Variants in ANKMY2 observed in about 807,000 individuals in gnomAD.
ANKMY2 encodes the protein ankyrin repeat and MYND domain containing 2.
In ANKMY2, 36 loss-of-function variants were observed where a neutral mutation model predicts 50.4. That is an observed-to-expected ratio of 0.71 (90% CI 0.55 to 0.94). The LOEUF (loss-of-function observed/expected upper bound fraction) is 0.94, where lower values mean the gene tolerates loss of function less well. ANKMY2 is among the 40% of genes least tolerant of loss of function. The probability of loss-of-function intolerance (pLI) is 0.00; values close to 1 mark genes in which losing one functional copy is unlikely to be tolerated. For missense variants in ANKMY2, 565 were observed against 524.0 expected (o/e 1.08, Z -0.76); for synonymous variants, 187 against 178.8 (o/e 1.05, Z -0.36).
chr7:16,609,692 A>G lies in ANKMY2; in HGVS notation c.820T>C (p.Phe274Leu). 1 of 1,612,978 alleles carries G rather than the reference A, an allele frequency of 6.2e-7. No homozygotes were observed. The highest frequency in any genetic ancestry group is 8.5e-7 in the Non-Finnish European group (1 of 1,179,716). The change falls in exon 7 of 10, where the codon TTT becomes CTT. Residue 274 changes from phenylalanine to leucine, a missense_variant. Physicochemically the swap from Phe to Leu is conservative, Grantham distance 22. Transcript: ENST00000306999. ...EKIIRESIRK[F>L]PYCEATLLQQ... Reference sequence around the variant, plus strand: ...AGGAGTGTAGCTTCACAGTAAGGAAATTTTCTGATACTTTCTCTAATGATC... The same window carrying G: ...AGGAGTGTAGCTTCACAGTAAGGAAGTTTTCTGATACTTTCTCTAATGATC...
chr7:16,627,445 C>T (rs1368278428), intron 2 of ANKMY2, among the ~76,000 whole-genome samples: 2 of 152,080 alleles, frequency 1.3e-5, no homozygotes, highest in South Asian at 2.1e-4. Flanking sequence ...ATGGTGGGGG[C>T]AGGGATTGAA....
In ANKMY2 at chr7:16,604,856, T is replaced by C; in HGVS notation, c.883-7A>G. The C allele has an allele frequency of 1.2e-6, 2 of 1,603,762 alleles. No individual in the cohort carries two copies. Among genetic ancestry groups the C allele is most frequent in the Non-Finnish European group, 1.7e-6 (2 of 1,175,482 alleles). On this transcript the variant is annotated splice_polypyrimidine_tract_variant and splice_region_variant and intron_variant, in intron 7 of 9. Transcript: ENST00000306999. ...ATGCAGTGGGATCAGAACCCTAGAGTGGGCATGAAGAGGAGAAAAAACAAA... is the reference window on the plus strand; with the variant it reads ...ATGCAGTGGGATCAGAACCCTAGAGCGGGCATGAAGAGGAGAAAAAACAAA...
chr7:16,603,517 G>A, intron 8 of ANKMY2: 3 of 399,308 alleles, frequency 7.5e-6, no homozygotes, highest in Non-Finnish European at 1.6e-5. Context: ...GGGGTGGAAA[G>A]GAGATGGGAA....
At chr7:16,619,038 C>T (rs1781397473) in intron 4 of ANKMY2, among the ~76,000 whole-genome samples, 1 of 152,118 alleles carries the variant, frequency 6.6e-6, no homozygotes, top group African/African-American at 2.4e-5. Context: ...ATCTTCTCAT[C>T]AGTCCTCCAA....
At chr7:16,620,591 TACACAC>T (rs58418780) in intron 4 of ANKMY2, among the ~76,000 whole-genome samples, 22 of 145,598 alleles carry the variant, frequency 1.5e-4, no homozygotes, top group South Asian at 6.7e-4. Context: ...AATACATGTG[TACACAC>T]ACACACACAC....
intron 2 of ANKMY2, among the ~76,000 whole-genome samples, chr7:16,631,369 T>C (rs1781578596): frequency 6.6e-6 from 1 of 152,202 alleles, no homozygotes; most frequent in Admixed American, 6.5e-5. Context: ...GGTCCATAGT[T>C]TTGTGAAACT....
At chr7:16,616,097 T>C (rs1006246368) in intron 4 of ANKMY2, among the ~76,000 whole-genome samples, 193 bp from the exon 5 acceptor site, 3 of 152,172 alleles carry the variant, frequency 2.0e-5, no homozygotes, top group African/African-American at 7.2e-5. Context: ...CCTTGTAAAG[T>C]TGATAAACAA....
In ANKMY2 at chr7:16,627,020, T is replaced by A. The variant is rs779583698; in HGVS notation, c.271+20A>T. ...CAAGTTTGTATAGGTAACTTATATT[T>A]ATAAATACTAAAACTTCACCAGAAA... On this transcript the variant is annotated intron_variant, in intron 3 of 9. Coordinates refer to ENST00000306999, the MANE Select transcript of ANKMY2 (RefSeq NM_020319.3). 1.3e-6 allele frequency: 2 copies of A among 1,575,726 alleles called. No individual in the cohort carries two copies. Among genetic ancestry groups the A allele is most frequent in the Non-Finnish European group, 1.7e-6 (2 of 1,162,782 alleles).
At chr7:16,608,659 G>A (rs1243203776) in intron 7 of ANKMY2, among the ~76,000 whole-genome samples, 4 of 152,134 alleles carry the variant, frequency 2.6e-5, no homozygotes, top group East Asian at 1.9e-4. Flanking sequence ...TGATTGAAAC[G>A]TATAAAAGCA....
chr7:16,626,427 T>C (rs1191144811), intron 3 of ANKMY2, among the ~76,000 whole-genome samples: 1 of 152,206 alleles, frequency 6.6e-6, no homozygotes, highest in Non-Finnish European at 1.5e-5. Flanking sequence ...TTGGATTCTG[T>C]GGTTTATATA....
chr7:16,613,330 G>A (rs1456801395), intron 5 of ANKMY2, among the ~76,000 whole-genome samples: 2 of 152,090 alleles, frequency 1.3e-5, no homozygotes. Context: ...ATTACACAGT[G>A]GTTATTAGTT....
rs1401579683 is a variant in ANKMY2, at chr7:16,645,502, C to G, written c.67+5G>C. Reference sequence around the variant, plus strand: ...CGCGGCCGCGTCGCAGCCCAGCACCCGTACCTTTCCCGATGACTTCCAGTA... The same window carrying G: ...CGCGGCCGCGTCGCAGCCCAGCACCGGTACCTTTCCCGATGACTTCCAGTA... On this transcript the variant is annotated splice_donor_5th_base_variant and intron_variant, in intron 1 of 9. Transcript: ENST00000306999. The G allele has an allele frequency of 3.1e-6, 5 of 1,610,346 alleles. No individual in the cohort carries two copies. In the Admixed American group the frequency reaches 5.0e-5, roughly 16 times the overall value.
chr7:16,622,066 GGAA>G (rs1326224957), intron 4 of ANKMY2, among the ~76,000 whole-genome samples: 1 of 150,722 alleles, frequency 6.6e-6, no homozygotes, highest in Non-Finnish European at 1.5e-5. Flanking sequence ...AAGAAGAAGA[GGAA>G]GAGGAGGAGG....
At chr7:16,630,317 T>C (rs1405427223) in intron 2 of ANKMY2, among the ~76,000 whole-genome samples, 1 of 152,168 alleles carries the variant, frequency 6.6e-6, no homozygotes, top group Non-Finnish European at 1.5e-5. Flanking sequence ...TTAAAAAATA[T>C]CTAGATGAAT....
At chr7:16,642,598 T>A (rs529172618) in intron 1 of ANKMY2, among the ~76,000 whole-genome samples, 36 of 151,440 alleles carry the variant, frequency 2.4e-4, no homozygotes, top group Middle Eastern at 6.8e-3. Context: ...TAGTTCAAAG[T>A]ACTAGAACTT....
chr7:16,603,827 C>T (rs1781112257), intron 8 of ANKMY2, among the ~76,000 whole-genome samples: 2 of 152,312 alleles, frequency 1.3e-5, no homozygotes, highest in South Asian at 4.1e-4. Context: ...GCCTAGCCTG[C>T]TAGTACAAGA....
rs560383698 is a variant in ANKMY2, at chr7:16,605,042, CAT to C, written c.883-195_883-194del. Among the ~76,000 whole-genome samples the C allele has an allele frequency of 3.4e-3, 524 of 152,150 alleles. 1 individual carries two copies. Among genetic ancestry groups the C allele is most frequent in the African/African-American group, 0.012 (502 of 41,512 alleles). On this transcript the variant is annotated intron_variant, in intron 7 of 9. Coordinates refer to ENST00000306999, the MANE Select transcript of ANKMY2 (RefSeq NM_020319.3). ...AGAATATACCATTTTCTGTACAAAACATATGAAAAGTCAGTCATATGTCCAGA... is the reference window on the plus strand; with the variant it reads ...AGAATATACCATTTTCTGTACAAAACATGAAAAGTCAGTCATATGTCCAGA...
chr7:16,606,354 G>A (rs1459045549), intron 7 of ANKMY2, among the ~76,000 whole-genome samples: 1 of 151,936 alleles, frequency 6.6e-6, no homozygotes, highest in Non-Finnish European at 1.5e-5. Context: ...ACCTGAGTCC[G>A]GGAGGCAGAG....
chr7:16,641,656 A>G (rs1781746756), intron 1 of ANKMY2, among the ~76,000 whole-genome samples: 1 of 152,248 alleles, frequency 6.6e-6, no homozygotes, highest in Non-Finnish European at 1.5e-5. Context: ...ATTGGGCATC[A>G]ATGGGAATGG....
Sources: allele counts gnomAD v4.1 joint callset (sites outside exome capture counted in the v4.1 genomes callset), GRCh38; gene constraint gnomAD v4.1.1; transcripts MANE v1.5; gene names NCBI Gene and HGNC (gene_info 2026-07-23, HGNC 2026-07-21).